Variants in KCNMA1 observed in about 807,000 individuals in gnomAD.
KCNMA1 encodes the protein Calcium-activated potassium channel subunit alpha-1.
A neutral mutation model predicts 140.0 loss-of-function variants in KCNMA1; 29 were observed. That is an observed-to-expected ratio of 0.21 (90% CI 0.15 to 0.28). The LOEUF is 0.28. Ranked by LOEUF, KCNMA1 falls within the 10% of genes least tolerant of loss-of-function variation. The pLI is 1.00. For synonymous variants in KCNMA1, 612 were observed against 611.9 expected (o/e 1.00, Z 0.00); for missense variants, 880 against 1,602.2 (o/e 0.55, Z 7.70).
chr10:77,024,916 C>T (rs2093255266), intron 16 of KCNMA1, among the ~76,000 whole-genome samples: 1 of 151,906 alleles, frequency 6.6e-6, no homozygotes, highest in Admixed American at 6.6e-5. Context: ...GCTCTATAGA[C>T]AAGAAACTCG....
rs115693373 is a variant in KCNMA1, at chr10:77,239,331, A to G, written c.602+11864T>C. 2.9e-3 allele frequency among the ~76,000 whole-genome samples: 443 copies of G among 152,282 alleles called. 1 individual carries two copies. The highest frequency in any genetic ancestry group is 0.01 in the African/African-American group (421 of 41,566). On this transcript the variant is annotated intron_variant, in intron 3 of 27. Transcript: ENST00000286628. ...AGTTCTCTCTGGGGCCTCAAGATCA[A>G]TTGTATCTCAAACTGGGCCATGGGT...
chr10:76,876,831 A>G (rs1293680992), downstream of KCNMA1: 2 of 152,230 alleles, frequency 1.3e-5, no homozygotes, highest in Non-Finnish European at 2.9e-5. Flanking sequence ...GAGAAAGTCC[A>G]CCAGACCCTC....
intron 5 of KCNMA1, among the ~76,000 whole-genome samples, chr10:77,124,865 T>C (rs1302511533): frequency 6.6e-6 from 1 of 152,122 alleles, no homozygotes; most frequent in African/African-American, 2.4e-5. Context: ...GACTGGGTAA[T>C]TTATAAAGGA....
intron 3 of KCNMA1, among the ~76,000 whole-genome samples, chr10:77,248,843 A>G (rs1427585702): frequency 6.6e-6 from 1 of 152,154 alleles, no homozygotes; most frequent in East Asian, 1.9e-4. Flanking sequence ...TTCTCTCCCA[A>G]ACTAAAACTG....
chr10:77,076,668 C>T (rs1253440065), intron 13 of KCNMA1, among the ~76,000 whole-genome samples: 2 of 152,182 alleles, frequency 1.3e-5, no homozygotes, highest in Admixed American at 6.5e-5. Context: ...CCCTGGGATG[C>T]TAAAATGCAC....
chr10:77,264,193 T>C (rs905900675), intron 2 of KCNMA1, among the ~76,000 whole-genome samples: 3 of 152,136 alleles, frequency 2.0e-5, no homozygotes, highest in Admixed American at 6.6e-5. Context: ...CTTCCTACAA[T>C]GGTCTCACCA....
intron 17 of KCNMA1, among the ~76,000 whole-genome samples, chr10:77,015,638 C>A (rs181895517): frequency 2.0e-5 from 3 of 152,244 alleles, no homozygotes; most frequent in African/African-American, 7.2e-5. Flanking sequence ...ACATCTCCTA[C>A]CTAACATAGC....
chr10:77,541,727 G>C (rs2060222508), intron 1 of KCNMA1, among the ~76,000 whole-genome samples: 1 of 152,188 alleles, frequency 6.6e-6, no homozygotes, highest in South Asian at 2.1e-4. Context: ...TCTCAGTCTT[G>C]GAAGCACGCT....
At chr10:76,891,890 G>A (rs575569493) in intron 25 of KCNMA1, among the ~76,000 whole-genome samples, 171 bp from the exon 26 acceptor site, 66 of 152,024 alleles carry the variant, frequency 4.3e-4, no homozygotes, top group Non-Finnish European at 8.5e-4. Context: ...CAATTATTCC[G>A]TTATTTTCTC....
rs141586181 is a variant in KCNMA1 at position 77,192,001 on chromosome 10, G to A, written c.603-7085C>T. The stretch of plus-strand genomic sequence containing the variant: ...ATGTTGAAATGAATTGGAGCATACC[G>A]GAAAGTAGTATAAAAACCCTAACAA... On this transcript the variant is annotated intron_variant, in intron 3 of 27. Coordinates refer to ENST00000286628, the MANE Select transcript of KCNMA1 (RefSeq NM_001161352.2). 1.2e-3 allele frequency among the ~76,000 whole-genome samples: 178 copies of A among 152,180 alleles called. 2 individuals carry two copies. Among genetic ancestry groups the A allele is most frequent in the African/African-American group, 3.7e-3 (154 of 41,532 alleles).
rs147892654 is a variant in KCNMA1, at chr10:77,456,735, G to A, written c.379-52712C>T. Among the ~76,000 whole-genome samples, 108 of 152,278 alleles carry A rather than the reference G, an allele frequency of 7.1e-4. 2 individuals are homozygous for A. In the East Asian group the frequency reaches 0.018, roughly 26 times the overall value. ...TCCCCAGGCTGCAGAAGTGCACTGT[G>A]GAAGCAGGTCTGTGTGCTTGAGATC... On this transcript the variant is annotated intron_variant, in intron 1 of 27. Transcript: ENST00000286628.
chr10:77,626,118 T>A (rs1032860833), intron 1 of KCNMA1, among the ~76,000 whole-genome samples: 7 of 152,200 alleles, frequency 4.6e-5, no homozygotes, highest in African/African-American at 1.7e-4. Context: ...AATGAACATG[T>A]AGTATATTTG....
At chr10:76,995,803 T>C (rs568863883) in intron 19 of KCNMA1, 13 of 407,666 alleles carry the variant, frequency 3.2e-5, no homozygotes, top group African/African-American at 2.5e-4. Context: ...TCTTTTCTAG[T>C]TTGTCCTTAA....
intron 1 of KCNMA1, among the ~76,000 whole-genome samples, chr10:77,633,946 T>C (rs1437896630): frequency 6.6e-6 from 1 of 152,228 alleles, no homozygotes; most frequent in Non-Finnish European, 1.5e-5. Context: ...AAGGAATTGC[T>C]AGGGAACTGC....
At chr10:77,558,445 C>T (rs1166006230) in intron 1 of KCNMA1, among the ~76,000 whole-genome samples, 2 of 152,144 alleles carry the variant, frequency 1.3e-5, no homozygotes, top group African/African-American at 4.8e-5. Flanking sequence ...AAGACAGCAA[C>T]TGAAAATTTT....
At chr10:76,960,618 G>GTTTTTTTTTT (rs55685324) in intron 20 of KCNMA1, among the ~76,000 whole-genome samples, 1 of 59,294 alleles carries the variant, frequency 1.7e-5, no homozygotes. Flanking sequence ...TTATGGTTTT[G>GTTTTTTTTTT]TTTTTTTTTT....
chr10:77,606,772 C>G (rs928941782), intron 1 of KCNMA1, among the ~76,000 whole-genome samples: 1 of 152,094 alleles, frequency 6.6e-6, no homozygotes, highest in African/African-American at 2.4e-5. Context: ...TGGAGTATTC[C>G]CTTCCTGCAG....
chr10:77,129,140 A>C (rs1159416115), intron 5 of KCNMA1, among the ~76,000 whole-genome samples: 1 of 152,198 alleles, frequency 6.6e-6, no homozygotes, highest in East Asian at 1.9e-4. Context: ...AGTGGTTCAG[A>C]ATATATTTTC....
intron 3 of KCNMA1, chr10:77,249,923 G>T (rs1158447352): frequency 6.6e-6 from 1 of 152,140 alleles, no homozygotes; most frequent in African/African-American, 2.4e-5. Flanking sequence ...AGATGGGTGA[G>T]GGCAGCCCAG....
Sources: gnomAD v4.1 joint callset for allele counts (sites outside exome capture counted in the v4.1 genomes callset) on GRCh38, gnomAD v4.1.1 for gene constraint, MANE v1.5 for transcripts, NCBI Gene and HGNC (gene_info 2026-07-23, HGNC 2026-07-21) for gene names.